Variants in PCDH9 observed in about 807,000 individuals in gnomAD.
The protein encoded by PCDH9 is protocadherin 9, also known as protocadherin-9.
PCDH9 carries 24 observed loss-of-function variants against 70.6 expected under a neutral mutation model. The observed-to-expected ratio is 0.34, with a 90% CI of 0.25 to 0.48. The LOEUF is 0.48. Among genes scored for constraint, PCDH9 ranks in the 20% least tolerant of loss-of-function variants. PCDH9 has a pLI of 0.99. For missense variants in PCDH9, 1,281 were observed against 1,503.6 expected, an observed-to-expected ratio of 0.85 and a Z score of 2.45; for synonymous variants, 562 against 558.5, an observed-to-expected ratio of 1.01 and a Z score of -0.09.
chr13:66,456,932 G>A (rs1369446161), intron 4 of PCDH9, among the ~76,000 whole-genome samples: 4 of 152,056 alleles, frequency 2.6e-5, no homozygotes, highest in Non-Finnish European at 4.4e-5. Context: ...ATTTAAGGAT[G>A]TAAAATATAA....
intron 2 of PCDH9, among the ~76,000 whole-genome samples, chr13:66,957,679 CTCTT>C (rs2083284942): frequency 6.6e-6 from 1 of 152,088 alleles, no homozygotes; most frequent in East Asian, 1.9e-4. Flanking sequence ...AGATACCTCT[CTCTT>C]TCTCTCTCTC....
At chr13:67,121,057 C>A (rs2086868726) in intron 2 of PCDH9, among the ~76,000 whole-genome samples, 1 of 152,008 alleles carries the variant, frequency 6.6e-6, no homozygotes, top group South Asian at 2.1e-4. Context: ...ATTCTGAAGA[C>A]ACAAATTAAT....
intron 3 of PCDH9, among the ~76,000 whole-genome samples, chr13:66,663,090 A>C (rs943339841): frequency 5.9e-5 from 9 of 152,322 alleles, no homozygotes; most frequent in East Asian, 1.9e-4. Flanking sequence ...CTACAGCTTA[A>C]ATGATGTGAA....
chr13:66,579,970 A>G (rs553459075), intron 4 of PCDH9, among the ~76,000 whole-genome samples: 63 of 152,222 alleles, frequency 4.1e-4, no homozygotes, highest in Admixed American at 2.7e-3. Flanking sequence ...TTAGATTTAT[A>G]CCATAAAAAG....
chr13:66,587,203 T>C (rs1357310220), intron 4 of PCDH9, among the ~76,000 whole-genome samples: 1 of 151,808 alleles, frequency 6.6e-6, no homozygotes, highest in Non-Finnish European at 1.5e-5. Flanking sequence ...GAGACTGAAG[T>C]AAGAGGATCC....
At chr13:66,446,931 T>C (rs1197622271) in intron 4 of PCDH9, among the ~76,000 whole-genome samples, 1 of 152,068 alleles carries the variant, frequency 6.6e-6, no homozygotes, top group East Asian at 1.9e-4. Context: ...ACAGAGATTT[T>C]CTAAAAATCT....
rs559739359 is a variant in PCDH9, at chr13:66,361,440, C to T, written c.3341-56412G>A. Among the ~76,000 whole-genome samples, 28 of 151,894 alleles carry T rather than the reference C, an allele frequency of 1.8e-4. 1 individual carries two copies. The South Asian group carries it at 3.7e-3, about 20-fold the overall frequency. On this transcript the variant is annotated intron_variant, in intron 4 of 4. Coordinates refer to ENST00000377865, the MANE Select transcript of PCDH9 (RefSeq NM_203487.3). The stretch of plus-strand genomic sequence containing the variant: ...TACAGAAAGAGTATTCTCATGGATC[C>T]GGTAATAGAAGAAAATGTGATTTAA...
chr13:67,192,754 T>C (rs1236639496), intron 2 of PCDH9, among the ~76,000 whole-genome samples: 2 of 152,180 alleles, frequency 1.3e-5, no homozygotes, highest in African/African-American at 2.4e-5. Flanking sequence ...AGATAACCTG[T>C]AAGAGGGATA....
intron 2 of PCDH9, chr13:66,996,084 G>A (rs977659423): frequency 1.6e-4 from 24 of 152,286 alleles, no homozygotes; most frequent in African/African-American, 5.1e-4. Context: ...GGAAGATACA[G>A]TAAAGGAAAA....
intron 2 of PCDH9, among the ~76,000 whole-genome samples, chr13:67,138,481 C>T (rs187538580): frequency 1.5e-4 from 23 of 152,266 alleles, no homozygotes; most frequent in African/African-American, 4.6e-4. Flanking sequence ...GAACATAAGG[C>T]CCATTCACAC....
intron 2 of PCDH9, among the ~76,000 whole-genome samples, chr13:67,144,217 C>T (rs780167621): frequency 2.6e-5 from 4 of 152,042 alleles, no homozygotes; most frequent in Admixed American, 6.6e-5. Context: ...TTAATGATGG[C>T]GGGCTTATTT....
At chr13:66,731,746 A>T (rs999268773) in intron 3 of PCDH9, among the ~76,000 whole-genome samples, 1 of 152,136 alleles carries the variant, frequency 6.6e-6, no homozygotes, top group African/African-American at 2.4e-5. Context: ...CATACCTCAA[A>T]CCAAGACTGG....
chr13:66,395,291 AAC>A (rs1161430332), intron 4 of PCDH9, among the ~76,000 whole-genome samples: 1 of 152,154 alleles, frequency 6.6e-6, no homozygotes, highest in Non-Finnish European at 1.5e-5. Flanking sequence ...GTGACTTTAT[AAC>A]AAAGTTGGAA....
At chr13:66,384,230 A>G (rs1956891301) in intron 4 of PCDH9, among the ~76,000 whole-genome samples, 1 of 152,086 alleles carries the variant, frequency 6.6e-6, no homozygotes, top group Non-Finnish European at 1.5e-5. Flanking sequence ...ATCCAATTTT[A>G]TAGATGAATT....
chr13:66,680,117 A>T (rs955533127), intron 3 of PCDH9, among the ~76,000 whole-genome samples: 1 of 151,926 alleles, frequency 6.6e-6, no homozygotes, highest in African/African-American at 2.4e-5. Context: ...ACTATGTCCA[A>T]GGCTTTTTGG....
intron 4 of PCDH9, among the ~76,000 whole-genome samples, chr13:66,581,063 T>C (rs1012945472): frequency 6.6e-6 from 1 of 152,150 alleles, no homozygotes; most frequent in African/African-American, 2.4e-5. Context: ...TTAAAGTCTT[T>C]ACACCCATTT....
At chr13:66,536,334 C>T (rs185930071) in intron 4 of PCDH9, among the ~76,000 whole-genome samples, 1 of 152,160 alleles carries the variant, frequency 6.6e-6, no homozygotes, top group South Asian at 2.1e-4. Context: ...AATGTAATAA[C>T]AGCAACAACA....
intron 4 of PCDH9, among the ~76,000 whole-genome samples, chr13:66,567,534 C>T (rs532619503): frequency 6.6e-6 from 1 of 152,110 alleles, no homozygotes; most frequent in African/African-American, 2.4e-5. Flanking sequence ...TTGACCTCAA[C>T]AAATGATATT....
At chr13:66,615,637 C>A (rs9592480) in intron 4 of PCDH9, among the ~76,000 whole-genome samples, 35,165 of 152,080 alleles carry the variant, frequency 0.23, 5,212 homozygotes, top group South Asian at 0.39. Context: ...GGAAAATGTA[C>A]AGAAATCATG....
Sources: allele counts gnomAD v4.1 joint callset (sites outside exome capture counted in the v4.1 genomes callset), GRCh38; gene constraint gnomAD v4.1.1; transcripts MANE v1.5; gene names NCBI Gene and HGNC (gene_info 2026-07-23, HGNC 2026-07-21).